Variants in CDK14 observed in about 807,000 individuals in gnomAD.
CDK14 encodes cyclin dependent kinase 14, also known as cyclin-dependent kinase 14.
Under a neutral mutation model 60.7 loss-of-function variants are expected in CDK14, and 34 were observed. That is an observed-to-expected ratio of 0.56 (90% confidence interval 0.43 to 0.75). CDK14 has a LOEUF of 0.75. CDK14 is among the 30% of genes least tolerant of loss of function. CDK14 has a pLI of 0.00. For synonymous variants in CDK14, 197 were observed against 203.7 expected, an observed-to-expected ratio of 0.97 and a Z score of 0.28; for missense variants, 482 against 564.1, an observed-to-expected ratio of 0.85 and a Z score of 1.47.
chr7:91,045,223 T>C (rs1192339704), intron 10 of CDK14, among the ~76,000 whole-genome samples: 1 of 152,214 alleles, frequency 6.6e-6, no homozygotes, highest in East Asian at 1.9e-4. Flanking sequence ...TCCAATGGAA[T>C]GTGCCCAGTT....
chr7:90,959,568 T>G (rs1480223442), intron 9 of CDK14, among the ~76,000 whole-genome samples: 1 of 152,168 alleles, frequency 6.6e-6, no homozygotes, highest in Non-Finnish European at 1.5e-5. Flanking sequence ...GGCAGTAGTT[T>G]CAGGCTTTCT....
At chr7:90,767,505 T>C (rs576311872) in intron 4 of CDK14, among the ~76,000 whole-genome samples, 2 of 152,278 alleles carry the variant, frequency 1.3e-5, no homozygotes, top group African/African-American at 2.4e-5. Flanking sequence ...AGTTTTGGTA[T>C]AGTAGGTGCC....
At position 90,784,202 on chromosome 7, in the gene CDK14, A is replaced by G. The variant is rs373912001; in HGVS notation, c.465-6371A>G. 5.3e-5 allele frequency among the ~76,000 whole-genome samples: 8 copies of G among 152,204 alleles called. No individual in the cohort carries two copies. In the East Asian group the frequency reaches 1.2e-3, roughly 22 times the overall value. On this transcript the variant is annotated intron_variant, in intron 4 of 14. Transcript: ENST00000380050. The stretch of plus-strand genomic sequence containing the variant: ...ACAAATAGCACATGTTCTCAGTCAT[A>G]TATGGGAACTAAAAAATTGTTCTCA...
At chr7:90,773,650 G>A (rs938634500) in intron 4 of CDK14, among the ~76,000 whole-genome samples, 21 of 152,166 alleles carry the variant, frequency 1.4e-4, no homozygotes, top group Non-Finnish European at 1.5e-4. Context: ...GAAATTAAAG[G>A]TGTGAGCCAC....
chr7:90,637,552 C>T (rs1342541205), intron 2 of CDK14, among the ~76,000 whole-genome samples: 1 of 151,830 alleles, frequency 6.6e-6, no homozygotes, highest in Non-Finnish European at 1.5e-5. Context: ...GCTTTACTTC[C>T]AAGTATGTGG....
At chr7:91,185,145 T>C (rs1802131371) in intron 14 of CDK14, among the ~76,000 whole-genome samples, 2 of 148,386 alleles carry the variant, frequency 1.3e-5, no homozygotes, top group Non-Finnish European at 3.0e-5. Flanking sequence ...CCCGGGGGAC[T>C]CAGTGGTGAA....
At chr7:90,771,108 C>T (rs1804767156) in intron 4 of CDK14, among the ~76,000 whole-genome samples, 1 of 152,218 alleles carries the variant, frequency 6.6e-6, no homozygotes, top group African/African-American at 2.4e-5. Context: ...ATCCCCCAGC[C>T]TGCTTCTGTC....
At chr7:90,620,078 A>G (rs762840775) in intron 2 of CDK14, among the ~76,000 whole-genome samples, 7 of 152,194 alleles carry the variant, frequency 4.6e-5, no homozygotes, top group Non-Finnish European at 1.0e-4. Flanking sequence ...ACAAGTATGT[A>G]TATTAAATGT....
chr7:91,175,269 G>A (rs1166366363), intron 14 of CDK14, among the ~76,000 whole-genome samples: 1 of 151,948 alleles, frequency 6.6e-6, no homozygotes, highest in African/African-American at 2.4e-5. Flanking sequence ...AGAGATTTTT[G>A]TCACCACCAG....
Position 90,640,619 on chromosome 7 carries a change from T to C in CDK14, c.123+36370T>C, listed in dbSNP as rs570153639. ...TATGGATTATGGTGGGAATAAAATA[T>C]GATATTTAGGTTTCTCTGGATACAT... On this transcript the variant is annotated intron_variant, in intron 2 of 14. Transcript: ENST00000380050. 4.6e-5 allele frequency among the ~76,000 whole-genome samples: 7 copies of C among 152,176 alleles called. No homozygotes were observed. The South Asian group carries it at 1.2e-3, about 27-fold the overall frequency.
intron 7 of CDK14, among the ~76,000 whole-genome samples, chr7:90,904,555 A>G (rs1247481542): frequency 6.6e-6 from 1 of 152,138 alleles, no homozygotes; most frequent in Non-Finnish European, 1.5e-5. Flanking sequence ...TTGCCAGAAA[A>G]TAAACCAAAA....
intron 6 of CDK14, among the ~76,000 whole-genome samples, chr7:90,873,209 C>T (rs896642688): frequency 1.3e-5 from 2 of 151,992 alleles, no homozygotes; most frequent in Non-Finnish European, 2.9e-5. Context: ...AGAGAAAGCT[C>T]CAGCTAAGGT....
chr7:90,844,789 T>C (rs1562795599), intron 5 of CDK14, among the ~76,000 whole-genome samples: 1 of 152,182 alleles, frequency 6.6e-6, no homozygotes, highest in Non-Finnish European at 1.5e-5. Context: ...ACAGATAGCC[T>C]TTACTCAGAT....
At chr7:90,626,920 T>C (rs950050069) in intron 2 of CDK14, among the ~76,000 whole-genome samples, 9 of 150,928 alleles carry the variant, frequency 6.0e-5, no homozygotes, top group Non-Finnish European at 1.2e-4. Context: ...GTCTCGGTGA[T>C]AGAATGAGAC....
In CDK14 at chr7:91,208,415, C is replaced by T. The variant is rs1318521262; in HGVS notation, c.*1279C>T. The T allele has an allele frequency of 6.6e-5, 10 of 152,566 alleles. No individual in the cohort carries two copies. The highest frequency in any genetic ancestry group is 1.3e-4 in the Admixed American group (2 of 15,286). The allele number at this position is 152,566 out of a possible 1,614,324, so 9.5% of individuals were successfully genotyped here. ...GGAGGGAGGGCTGCCTGATGCAGGC[C>T]GGCTCCCAGTGGGGCAGGCCTCGCT... On this transcript the variant is annotated 3_prime_UTR_variant, in exon 15 of 15. Transcript: ENST00000380050.
At chr7:91,147,184 A>T (rs1383506464) in intron 14 of CDK14, among the ~76,000 whole-genome samples, 9 of 145,526 alleles carry the variant, frequency 6.2e-5, no homozygotes, top group East Asian at 4.0e-4. Flanking sequence ...ACACACACAC[A>T]CACACACACA....
In CDK14 at chr7:90,956,163, G is replaced by A. The variant is rs377094924; in HGVS notation, c.947+346G>A. ...GGCAACAGGATTGGAGTAGCAGGGA[G>A]TATGTTTAAATTTGCAACAAAGCTC... On this transcript the variant is annotated intron_variant, in intron 9 of 14. Transcript: ENST00000380050. 7.2e-5 allele frequency among the ~76,000 whole-genome samples: 11 copies of A among 152,254 alleles called. No individual in the cohort carries two copies. The South Asian group carries it at 2.3e-3, about 32-fold the overall frequency.
At chr7:91,057,198 A>G (rs1797600615) in intron 11 of CDK14, among the ~76,000 whole-genome samples, 1 of 152,168 alleles carries the variant, frequency 6.6e-6, no homozygotes, top group Non-Finnish European at 1.5e-5. Context: ...TTGGCTGCAT[A>G]AATGTCTTCT....
chr7:90,854,488 C>A (rs1790755652), intron 5 of CDK14, among the ~76,000 whole-genome samples: 1 of 152,138 alleles, frequency 6.6e-6, no homozygotes, highest in South Asian at 2.1e-4. Flanking sequence ...TGTGATTACA[C>A]CTTGCACTCC....
Sources: allele counts gnomAD v4.1 joint callset (sites outside exome capture counted in the v4.1 genomes callset), GRCh38; gene constraint gnomAD v4.1.1; transcripts MANE v1.5; gene names NCBI Gene and HGNC (gene_info 2026-07-23, HGNC 2026-07-21).